The following CNTNAP3B variants were observed in gnomAD, a reference collection of about 807,000 sequenced individuals.
CNTNAP3B encodes contactin-associated protein-like 3B.
A neutral mutation model predicts 108.9 loss-of-function variants in CNTNAP3B; 25 were observed. The ratio of observed to expected loss-of-function variants is 0.23; its 90% CI spans 0.17 to 0.32. The LOEUF is 0.32. Ranked by LOEUF, CNTNAP3B falls within the 10% of genes least tolerant of loss-of-function variation. CNTNAP3B has a pLI of 1.00. For missense variants in CNTNAP3B, 252 were observed against 1,210.4 expected, an observed-to-expected ratio of 0.21 and a Z score of 11.75; for synonymous variants, 103 against 473.4, an observed-to-expected ratio of 0.22 and a Z score of 10.16.
chr9:42,103,397 C>A (rs1828037810), intron 2 of CNTNAP3B, among the ~76,000 whole-genome samples: 3 of 129,914 alleles, frequency 2.3e-5, no homozygotes, highest in Admixed American at 7.9e-5. Context: ...ACAGAAAACA[C>A]CAAGAAATGC....
At chr9:41,959,358 C>T (rs1475636861) in intron 12 of CNTNAP3B, among the ~76,000 whole-genome samples, 1,330 of 151,768 alleles carry the variant, frequency 8.8e-3, no homozygotes, top group African/African-American at 0.029. Flanking sequence ...TAGAGCAATG[C>T]GGCATCTAAA....
In CNTNAP3B at chr9:42,012,274, G is replaced by A. The variant is rs1209754373; in HGVS notation, c.538+1104C>T. Among the ~76,000 whole-genome samples, 2 of 118,206 alleles carry A rather than the reference G, an allele frequency of 1.7e-5. 1 individual carries two copies. Among genetic ancestry groups the A allele is most frequent in the African/African-American group, 7.0e-5 (2 of 28,658 alleles). The allele number at this position is 118,206 out of a possible 152,430, so 77.5% of individuals were successfully genotyped here. ...CATTGAAACAGAGAGCACAGTTATA[G>A]GTCCCAGAAAACACAGGGATGGAAG... On this transcript the variant is annotated intron_variant, in intron 4 of 23. Transcript: ENST00000377561.
intron 9 of CNTNAP3B, among the ~76,000 whole-genome samples, chr9:41,982,686 C>G (rs1405845488): frequency 1.3e-5 from 2 of 151,288 alleles, no homozygotes; most frequent in Admixed American, 6.6e-5. Context: ...AGAGCTGCCA[C>G]TCGACCCAGC....
In CNTNAP3B at chr9:42,081,406, C is replaced by T. The variant is rs533432393; in HGVS notation, c.197-4344G>A. 5.2e-3 allele frequency among the ~76,000 whole-genome samples: 741 copies of T among 143,664 alleles called. 18 individuals carry two copies. The highest frequency in any genetic ancestry group is 0.019 in the African/African-American group (700 of 37,054). The allele number at this position is 143,664 out of a possible 152,430, so 94.2% of individuals were successfully genotyped here. A position where few individuals can be genotyped will look rare whatever the true frequency, so the allele number is the denominator to read the frequency against. ...TTCTGAGGAAATTATTAAAGTTTTGCCACTTATTTTGTAATGGAAAACAAG... is the reference window on the plus strand; with the variant it reads ...TTCTGAGGAAATTATTAAAGTTTTGTCACTTATTTTGTAATGGAAAACAAG... On this transcript the variant is annotated intron_variant, in intron 2 of 23. Transcript: ENST00000377561.
At chr9:41,952,182 C>G (rs1221374129) in intron 13 of CNTNAP3B, among the ~76,000 whole-genome samples, 2 of 152,250 alleles carry the variant, frequency 1.3e-5, no homozygotes, top group Non-Finnish European at 2.9e-5. Flanking sequence ...CTTCAGATGA[C>G]AGTCATACAC....
At chr9:41,958,710 C>CAA (rs1461195804) in intron 12 of CNTNAP3B, among the ~76,000 whole-genome samples, 4 of 150,724 alleles carry the variant, frequency 2.7e-5, no homozygotes, top group Admixed American at 6.6e-5. Context: ...AAACAAAAAA[C>CAA]AAAACAAAAC....
rs1180459288 is a variant in CNTNAP3B, at chr9:42,096,636, T to C, written c.196+7993A>G. Among the ~76,000 whole-genome samples, 5 of 123,896 alleles carry C rather than the reference T, an allele frequency of 4.0e-5. 1 individual carries two copies. Among genetic ancestry groups the C allele is most frequent in the African/African-American group, 1.7e-4 (5 of 30,186 alleles). 81.3% of individuals were successfully genotyped at this position (123,896 alleles called of 152,430 possible). On this transcript the variant is annotated intron_variant, in intron 2 of 23. Coordinates refer to ENST00000377561, the MANE Select transcript of CNTNAP3B (RefSeq NM_001201380.3). The stretch of plus-strand genomic sequence containing the variant: ...CACACAGAAATGGCCTTTATAGGAA[T>C]TATCAGTGTCGTGAAGAAAGTTTTT...
At chr9:41,961,116 A>G (rs1171579425) in intron 11 of CNTNAP3B, among the ~76,000 whole-genome samples, 1 of 152,308 alleles carries the variant, frequency 6.6e-6, no homozygotes, top group East Asian at 1.9e-4. Context: ...GTCAAAATAC[A>G]TTCAAATGTT....
chr9:41,944,292 GTCT>G (rs1238725679), intron 13 of CNTNAP3B, among the ~76,000 whole-genome samples: 15 of 148,302 alleles, frequency 1.0e-4, no homozygotes, highest in East Asian at 1.9e-4. Flanking sequence ...AAAATCTAGT[GTCT>G]TCTTCTTAAT....
chr9:42,003,956 CA>C lies in CNTNAP3B; in HGVS notation c.539-5353del, dbSNP rs1396586978. 6.3e-5 allele frequency among the ~76,000 whole-genome samples: 9 copies of C among 143,102 alleles called. 1 individual carries two copies. The highest frequency in any genetic ancestry group is 1.4e-4 in the Non-Finnish European group (9 of 65,470). The allele number at this position is 143,102 out of a possible 152,430, so 93.9% of individuals were successfully genotyped here. On this transcript the variant is annotated intron_variant, in intron 4 of 23. Coordinates refer to ENST00000377561, the MANE Select transcript of CNTNAP3B (RefSeq NM_001201380.3). ...TGGGCAACAGAGAGAGACTCCCTCT[CA>C]AAAAAACAACAACAAAACCCACAAT...
intron 1 of CNTNAP3B, among the ~76,000 whole-genome samples, chr9:42,122,095 G>A (rs866761377): frequency 7.2e-6 from 1 of 139,474 alleles, no homozygotes; most frequent in Non-Finnish European, 1.5e-5. Flanking sequence ...TTTTCTATGG[G>A]CAGCAGGCTT....
At chr9:41,934,100 CATATATATAT>C (rs1186532915) in intron 14 of CNTNAP3B, among the ~76,000 whole-genome samples, 23 of 90,222 alleles carry the variant, frequency 2.5e-4, no homozygotes, top group African/African-American at 7.2e-4. Flanking sequence ...ATATTTGTTA[CATATATATAT>C]ATATATATAT....
chr9:41,952,177 G>A (rs867339910), intron 13 of CNTNAP3B, among the ~76,000 whole-genome samples: 8 of 152,248 alleles, frequency 5.3e-5, no homozygotes, highest in African/African-American at 1.7e-4. Context: ...ACCACCTTCA[G>A]ATGACAGTCA....
chr9:42,062,932 TACCCACCCAC>T (rs1827199709), intron 3 of CNTNAP3B, among the ~76,000 whole-genome samples: 1 of 97,638 alleles, frequency 1.0e-5, no homozygotes, highest in South Asian at 3.1e-4. Flanking sequence ...TCAACATTTT[TACCCACCCAC>T]ACTTTATGTT....
At chr9:41,966,436 A>G (rs1418605690) in intron 10 of CNTNAP3B, among the ~76,000 whole-genome samples, 3 of 152,284 alleles carry the variant, frequency 2.0e-5, no homozygotes, top group Non-Finnish European at 4.4e-5. Context: ...TAGTACAAAT[A>G]ATAGAGGAAG....
intron 12 of CNTNAP3B, among the ~76,000 whole-genome samples, chr9:41,955,746 A>G (rs1375258853): frequency 6.6e-6 from 1 of 152,308 alleles, no homozygotes; most frequent in Non-Finnish European, 1.5e-5. Context: ...GAAGGAGGGT[A>G]ACTGTAACAC....
At chr9:42,044,241 T>C (rs1315619568) in intron 3 of CNTNAP3B, among the ~76,000 whole-genome samples, 3 of 150,314 alleles carry the variant, frequency 2.0e-5, no homozygotes, top group East Asian at 2.0e-4. Context: ...TCTCTGTGCC[T>C]CATTTATAAA....
intron 9 of CNTNAP3B, chr9:41,980,735 A>G (rs954039563): frequency 2.0e-5 from 3 of 146,394 alleles, no homozygotes; most frequent in Admixed American, 2.0e-4. Flanking sequence ...CATTGGAGGA[A>G]CATACTTCAA....
At chr9:42,089,363 C>T (rs1273890240) in intron 2 of CNTNAP3B, among the ~76,000 whole-genome samples, 1 of 120,386 alleles carries the variant, frequency 8.3e-6, no homozygotes, top group Non-Finnish European at 1.7e-5. Flanking sequence ...CCTCTAGATT[C>T]CTCATACAAA....
Sources: allele counts gnomAD v4.1 joint callset (sites outside exome capture counted in the v4.1 genomes callset), GRCh38; gene constraint gnomAD v4.1.1; transcripts MANE v1.5; gene names NCBI Gene and HGNC (gene_info 2026-07-23, HGNC 2026-07-21).